HDAC9: variants seen among roughly 807,000 people sequenced by gnomAD.
The protein encoded by HDAC9 is MEF-2 interacting transcription repressor (MITR) protein.
A neutral mutation model predicts 139.4 loss-of-function variants in HDAC9; 41 were observed. The ratio of observed to expected loss-of-function variants is 0.29; its 90% CI spans 0.23 to 0.38. The LOEUF (loss-of-function observed/expected upper bound fraction) is 0.38. Ranked by LOEUF, HDAC9 falls within the 10% of genes least tolerant of loss-of-function variation. The pLI is 1.00. For synonymous variants in HDAC9, 517 were observed against 476.2 expected, an observed-to-expected ratio of 1.09 and a Z score of -1.12; for missense variants, 1,147 against 1,297.0, an observed-to-expected ratio of 0.88 and a Z score of 1.78.
chr7:18,103,697 G>A (rs1783001602), intron 1 of HDAC9, among the ~76,000 whole-genome samples: 3 of 152,124 alleles, frequency 2.0e-5, no homozygotes. Flanking sequence ...GTGAAATGAC[G>A]TACAAGGAAA....
intron 1 of HDAC9, chr7:18,325,592 G>A (rs1800377488): frequency 6.6e-6 from 1 of 151,910 alleles, no homozygotes; most frequent in Admixed American, 6.6e-5. Flanking sequence ...CTCCCAAACA[G>A]GTGGGATTAC....
At chr7:18,108,658 G>T (rs1319144874) in intron 1 of HDAC9, among the ~76,000 whole-genome samples, 1 of 145,222 alleles carries the variant, frequency 6.9e-6, no homozygotes. Flanking sequence ...CTCTTGCCCA[G>T]GCTGGAGTGG....
At chr7:18,413,945 T>C (rs2128746680) in intron 1 of HDAC9, among the ~76,000 whole-genome samples, 2 of 152,266 alleles carry the variant, frequency 1.3e-5, no homozygotes. Context: ...AAGCCAGTTA[T>C]GATAAGAGAT....
At chr7:18,242,665 C>T (rs2128190858) in intron 2 of HDAC9, among the ~76,000 whole-genome samples, 1 of 152,266 alleles carries the variant, frequency 6.6e-6, no homozygotes, top group Middle Eastern at 3.4e-3. Context: ...TAAAATTCTA[C>T]TTAAATTGTG....
intron 12 of HDAC9, among the ~76,000 whole-genome samples, chr7:18,680,139 A>G (rs76522305): frequency 0.019 from 2,923 of 152,110 alleles, 31 homozygotes; most frequent in Middle Eastern, 0.051. Flanking sequence ...AAGTATGGAT[A>G]TGTTTAAAAT....
At chr7:18,198,096 T>C (rs1790850175) in intron 2 of HDAC9, among the ~76,000 whole-genome samples, 1 of 152,146 alleles carries the variant, frequency 6.6e-6, no homozygotes, top group African/African-American at 2.4e-5. Flanking sequence ...GCAAATCATC[T>C]TTTATATCCC....
intron 17 of HDAC9, among the ~76,000 whole-genome samples, chr7:18,801,804 T>C (rs1368862422): frequency 6.6e-6 from 1 of 152,068 alleles, no homozygotes; most frequent in Non-Finnish European, 1.5e-5. Context: ...TTAGGAGTGT[T>C]GTATTTTTTC....
At chr7:18,819,749 T>C (rs1451382716) in intron 17 of HDAC9, among the ~76,000 whole-genome samples, 1 of 152,238 alleles carries the variant, frequency 6.6e-6, no homozygotes, top group Non-Finnish European at 1.5e-5. Flanking sequence ...ATTAAAATAC[T>C]GCCAAAGTTC....
chr7:18,578,031 C>T (rs1047683721), intron 2 of HDAC9: 1 of 438,102 alleles, frequency 2.3e-6, no homozygotes, highest in African/African-American at 2.0e-5. Context: ...CCATCTCTAT[C>T]TCCATCCCCA....
At chr7:18,698,282 G>A (rs1391006258) in intron 12 of HDAC9, among the ~76,000 whole-genome samples, 3 of 152,096 alleles carry the variant, frequency 2.0e-5, no homozygotes, top group Non-Finnish European at 2.9e-5. Context: ...TAAAACGCCC[G>A]GGTTCAGAAA....
At chr7:18,509,467 T>G in intron 2 of HDAC9, 1 of 984,712 alleles carries the variant, frequency 1.0e-6, no homozygotes, top group Non-Finnish European at 1.2e-6. Context: ...ACTTGTTTTT[T>G]CCCCCGAGTG....
chr7:18,658,574 TA>T (rs1190297409), intron 11 of HDAC9, among the ~76,000 whole-genome samples: 1 of 152,178 alleles, frequency 6.6e-6, no homozygotes, highest in Non-Finnish European at 1.5e-5. Context: ...TTTGTGTGAA[TA>T]ATGAACCAAT....
intron 1 of HDAC9, among the ~76,000 whole-genome samples, chr7:18,402,993 C>T (rs377721159): frequency 2.0e-5 from 3 of 152,090 alleles, no homozygotes; most frequent in East Asian, 1.9e-4. Context: ...GAGTCAGAGT[C>T]GGCTTGATCC....
chr7:18,320,323 G>A (rs926028787), intron 1 of HDAC9, among the ~76,000 whole-genome samples: 7 of 152,142 alleles, frequency 4.6e-5, no homozygotes, highest in Admixed American at 6.6e-5. Context: ...ACAAGGCTTC[G>A]AAATCTGTCT....
chr7:18,460,746 C>A (rs534758847), intron 1 of HDAC9, among the ~76,000 whole-genome samples: 1 of 148,892 alleles, frequency 6.7e-6, no homozygotes, highest in African/African-American at 2.5e-5. Flanking sequence ...TGAGATCGCG[C>A]CATTGCATTC....
In HDAC9 at chr7:18,607,658, C is replaced by A. The variant is rs146802432; in HGVS notation, c.664+13629C>A. ...AAGGAGACTTAAGTTTTAATCTTAACCTTGTCACTAATACATGACTATGAG... is the reference window on the plus strand; with the variant it reads ...AAGGAGACTTAAGTTTTAATCTTAAACTTGTCACTAATACATGACTATGAG... On this transcript the variant is annotated intron_variant, in intron 6 of 25. Coordinates refer to ENST00000686413, the MANE Select transcript of HDAC9 (RefSeq NM_178425.4). 5.4e-3 allele frequency among the ~76,000 whole-genome samples: 827 copies of A among 152,182 alleles called. 5 individuals carry two copies. The highest frequency in any genetic ancestry group is 0.018 in the African/African-American group (739 of 41,530).
chr7:18,991,438 C>T (rs963940569), intron 25 of HDAC9, among the ~76,000 whole-genome samples: 4 of 152,118 alleles, frequency 2.6e-5, no homozygotes, highest in Admixed American at 2.6e-4. Flanking sequence ...CAGATCAAGA[C>T]CATCCTGGCT....
In HDAC9 at chr7:18,260,609, G is replaced by A. The variant is rs144401173; in HGVS notation, c.25+98260G>A. On this transcript the variant is annotated intron_variant, in intron 2 of 12. Transcript: ENST00000417496. ...GCCGGGATTGCAGGCATGAGCCACCGCGCCCGGCCAACAGACACTATTTAA... is the reference window on the plus strand; with the variant it reads ...GCCGGGATTGCAGGCATGAGCCACCACGCCCGGCCAACAGACACTATTTAA... The A allele has an allele frequency of 5.5e-3, 855 of 154,442 alleles. 6 individuals are homozygous for A. The highest frequency in any genetic ancestry group is 0.025 in the South Asian group (124 of 4,918). 9.6% of individuals were successfully genotyped at this position (154,442 alleles called of 1,614,324 possible).
intron 1 of HDAC9, among the ~76,000 whole-genome samples, chr7:18,469,832 A>G (rs918214087): frequency 6.6e-6 from 1 of 152,150 alleles, no homozygotes; most frequent in African/African-American, 2.4e-5. Flanking sequence ...TATAGAAACA[A>G]CGAATCATAG....
Sources: gnomAD v4.1 joint callset for allele counts (sites outside exome capture counted in the v4.1 genomes callset) on GRCh38, gnomAD v4.1.1 for gene constraint, MANE v1.5 for transcripts, NCBI Gene and HGNC (gene_info 2026-07-23, HGNC 2026-07-21) for gene names.